FOXN3: variants seen among roughly 807,000 people sequenced by gnomAD.
The protein encoded by FOXN3 is forkhead box protein N3.
FOXN3 carries 7 observed loss-of-function variants against 38.4 expected under a neutral mutation model. The observed-to-expected ratio is 0.18, with a 90% confidence interval of 0.10 to 0.34. The LOEUF is 0.34. FOXN3 is among the 10% of genes least tolerant of loss of function. The pLI is 1.00. For missense variants in FOXN3, 456 were observed against 613.4 expected, an observed-to-expected ratio of 0.74 and a Z score of 2.71; for synonymous variants, 230 against 242.2, an observed-to-expected ratio of 0.95 and a Z score of 0.47.
intron 1 of FOXN3, among the ~76,000 whole-genome samples, chr14:89,594,033 T>C (rs1489177450): frequency 3.9e-5 from 6 of 152,270 alleles, no homozygotes; most frequent in African/African-American, 2.4e-5. Context: ...TAGTTTGTTT[T>C]TATCGGTATG....
intron 1 of FOXN3, among the ~76,000 whole-genome samples, chr14:89,556,989 G>A (rs56003946): frequency 0.062 from 9,446 of 152,208 alleles, 570 homozygotes; most frequent in African/African-American, 0.15. Context: ...GACAGACACC[G>A]GAACCTGTGG....
intron 4 of FOXN3, among the ~76,000 whole-genome samples, chr14:89,259,600 G>A (rs1285851497): frequency 6.6e-6 from 1 of 152,120 alleles, no homozygotes; most frequent in African/African-American, 2.4e-5. Flanking sequence ...TAGGTATACA[G>A]CACTTTTGTA....
intron 1 of FOXN3, among the ~76,000 whole-genome samples, chr14:89,584,089 A>T (rs1312943236): frequency 6.9e-6 from 1 of 145,560 alleles, no homozygotes; most frequent in Non-Finnish European, 1.5e-5. Flanking sequence ...TGAACTCTTT[A>T]CTCAAGGAAT....
chr14:89,262,025 A>G (rs1885823893), intron 4 of FOXN3, among the ~76,000 whole-genome samples: 1 of 152,152 alleles, frequency 6.6e-6, no homozygotes, highest in Non-Finnish European at 1.5e-5. Context: ...AATTACTCGA[A>G]TCCAGGAGGC....
At chr14:89,411,032 C>A (rs1055618391) in intron 2 of FOXN3, among the ~76,000 whole-genome samples, 7 of 152,196 alleles carry the variant, frequency 4.6e-5, no homozygotes, top group Non-Finnish European at 4.4e-5. Flanking sequence ...CTGTTAGGAA[C>A]GGGGCTGCAC....
intron 2 of FOXN3, among the ~76,000 whole-genome samples, chr14:89,377,207 G>A (rs759655163): frequency 5.9e-5 from 9 of 151,696 alleles, no homozygotes; most frequent in Non-Finnish European, 1.0e-4. Context: ...AAAAGTCGGT[G>A]TCATCAGAGG....
intron 4 of FOXN3, among the ~76,000 whole-genome samples, chr14:89,207,151 G>A (rs1286814682): frequency 6.6e-6 from 1 of 151,992 alleles, no homozygotes; most frequent in Non-Finnish European, 1.5e-5. Context: ...AACCCGGGAG[G>A]TGCAGGTTGC....
chr14:89,537,441 T>TTGGATGGATGGA (rs10588872), intron 1 of FOXN3, among the ~76,000 whole-genome samples: 9 of 149,584 alleles, frequency 6.0e-5, no homozygotes, highest in Admixed American at 1.3e-4. Context: ...CCATGAAATG[T>TTGGATGGATGGA]TGGATGGATG....
intron 1 of FOXN3, among the ~76,000 whole-genome samples, chr14:89,481,438 C>G (rs1342497257): frequency 6.6e-6 from 1 of 152,052 alleles, no homozygotes; most frequent in Non-Finnish European, 1.5e-5. Context: ...TCATAAAGGG[C>G]TGGACTCCTG....
At chr14:89,590,187 T>C (rs1895921668) in intron 1 of FOXN3, among the ~76,000 whole-genome samples, 1 of 152,074 alleles carries the variant, frequency 6.6e-6, no homozygotes, top group African/African-American at 2.4e-5. Context: ...ATTTCAATGA[T>C]TATGGAGATG....
rs1886985659 is a variant in FOXN3, at chr14:89,156,599, A to C, written c.*5815T>G. The C allele has an allele frequency of 6.6e-6, 1 of 152,250 alleles. No homozygotes were observed. Among genetic ancestry groups the C allele is most frequent in the Admixed American group, 6.5e-5 (1 of 15,272 alleles). 9.4% of individuals were successfully genotyped at this position (152,250 alleles called of 1,614,324 possible). A position where few individuals can be genotyped will look rare whatever the true frequency, so the allele number is the denominator to read the frequency against. The stretch of plus-strand genomic sequence containing the variant: ...CCAAGGTCAGACGACCCTAAGCATC[A>C]ATAGTAAACCTCTTGGTCTTCTGAT... On this transcript the variant is annotated 3_prime_UTR_variant, in exon 6 of 6. Transcript: ENST00000557258.
At chr14:89,506,398 C>G (rs1201419356) in intron 1 of FOXN3, among the ~76,000 whole-genome samples, 1 of 148,458 alleles carries the variant, frequency 6.7e-6, no homozygotes, top group Non-Finnish European at 1.5e-5. Flanking sequence ...GCCACCCCTA[C>G]TGGGAAGTGA....
At chr14:89,439,715 G>C (rs1313252335) in intron 1 of FOXN3, among the ~76,000 whole-genome samples, 3 of 149,906 alleles carry the variant, frequency 2.0e-5, no homozygotes, top group Admixed American at 6.6e-5. Context: ...GAGTGCAGTG[G>C]TGTGATCTCT....
In FOXN3 at chr14:89,548,398, ATTTAC is replaced by A. The variant is rs1894926882; in HGVS notation, c.-15+70625_-15+70629del. ...GCACATATCACAGCATTACTTATTT[ATTTAC>A]TCTTGCTAATATAGCAGGGTAACAG... On this transcript the variant is annotated intron_variant, in intron 1 of 6. Coordinates refer to the FOXN3 transcript ENST00000345097. This position sits in a 1 kb window ranked among gnomAD's most constrained non-coding sequence, Gnocchi z 4.8. Among the ~76,000 whole-genome samples, 1 of 152,184 alleles carries A rather than the reference ATTTAC, an allele frequency of 6.6e-6. No homozygotes were observed. The highest frequency in any genetic ancestry group is 2.4e-5 in the African/African-American group (1 of 41,438).
intron 1 of FOXN3, among the ~76,000 whole-genome samples, chr14:89,456,005 C>T (rs1892715128): frequency 6.6e-6 from 1 of 151,726 alleles, no homozygotes; most frequent in Admixed American, 6.6e-5. Context: ...ACCAGCCTGA[C>T]CAACATAGTG....
chr14:89,527,529 A>G (rs865806599), intron 1 of FOXN3, among the ~76,000 whole-genome samples: 14 of 152,326 alleles, frequency 9.2e-5, no homozygotes, highest in Middle Eastern at 6.8e-3. Context: ...AAACTCAATG[A>G]GTAAATAACC....
intron 3 of FOXN3, among the ~76,000 whole-genome samples, chr14:89,287,343 A>C (rs1339397947): frequency 1.3e-5 from 2 of 151,992 alleles, no homozygotes; most frequent in African/African-American, 4.8e-5. Context: ...TAGTAGAGAC[A>C]CAGTTTCGCC....
rs58649650 is a variant in FOXN3, at chr14:89,284,382, C to T, written c.681-3368G>A. 926 of 443,090 alleles carry T rather than the reference C, an allele frequency of 2.1e-3. 27 individuals carry two copies. The East Asian group carries it at 0.058, about 28-fold the overall frequency. The allele number at this position is 443,090 out of a possible 1,614,324, so 27.4% of individuals were successfully genotyped here. On this transcript the variant is annotated intron_variant, in intron 3 of 5. Coordinates refer to ENST00000557258, the MANE Select transcript of FOXN3 (RefSeq NM_005197.4). ...AGGACTTGCCCAAGACACTGCATGA[C>T]AAGTTAGTGATCAACCCAAGAAGGA...
intron 3 of FOXN3, among the ~76,000 whole-genome samples, chr14:89,298,724 G>GA (rs752812461): frequency 3.9e-5 from 6 of 152,134 alleles, no homozygotes; most frequent in Non-Finnish European, 8.8e-5. Flanking sequence ...ACATTGCTAT[G>GA]AGGACGCTGT....
Sources: gnomAD v4.1 joint callset for allele counts (sites outside exome capture counted in the v4.1 genomes callset) on GRCh38, gnomAD v4.1.1 for gene constraint, Gnocchi (gnomAD v3.1) non-coding constraint, MANE v1.5 for transcripts, NCBI Gene and HGNC (gene_info 2026-07-23, HGNC 2026-07-21) for gene names.